MDFIC: variants seen among roughly 807,000 people sequenced by gnomAD.
MDFIC encodes the protein MyoD family inhibitor domain containing.
A neutral mutation model predicts 23.2 loss-of-function variants in MDFIC; 17 were observed. The observed-to-expected ratio is 0.73, with a 90% CI of 0.50 to 1.10. MDFIC has a LOEUF of 1.10. Ranked by LOEUF, MDFIC falls within the 50% of genes least tolerant of loss-of-function variation. MDFIC has a pLI of 0.00. For missense variants in MDFIC, 356 were observed against 316.6 expected (o/e 1.12, Z -0.95); for synonymous variants, 120 against 115.2 (o/e 1.04, Z -0.27).
chr7:114,922,512 C>G lies in MDFIC; in HGVS notation c.-232C>G, dbSNP rs1287699631. On this transcript the variant is annotated 5_prime_UTR_variant, in exon 1 of 5. Transcript: ENST00000393486. ...AGGCGGGAGGACGCGCAGGGGCGGC[C>G]GCCGCCGTCGTCAGGCCACCGGGGC... 1 of 1,256,640 alleles carries G rather than the reference C, an allele frequency of 8.0e-7. No homozygotes were observed. The highest frequency in any genetic ancestry group is 4.2e-5 in the Admixed American group (1 of 23,910). The allele number at this position is 1,256,640 out of a possible 1,614,324, so 77.8% of individuals were successfully genotyped here.
At chr7:114,988,583 C>A (rs1793551566) in intron 4 of MDFIC, among the ~76,000 whole-genome samples, 1 of 152,076 alleles carries the variant, frequency 6.6e-6, no homozygotes, top group African/African-American at 2.4e-5. Flanking sequence ...TTTGGAAGAG[C>A]AGTCAGATAT....
intron 2 of MDFIC, among the ~76,000 whole-genome samples, chr7:114,940,387 C>T (rs985294675): frequency 6.6e-6 from 1 of 152,200 alleles, no homozygotes; most frequent in Non-Finnish European, 1.5e-5. Context: ...AAATTTTTTC[C>T]TTCCACTGGA....
intron 3 of MDFIC, among the ~76,000 whole-genome samples, chr7:114,947,255 C>A (rs758250239): frequency 7.9e-5 from 12 of 152,098 alleles, no homozygotes; most frequent in Non-Finnish European, 1.8e-4. Flanking sequence ...TTTTTGGGGG[C>A]ACATATTGGA....
At chr7:114,953,449 A>G (rs1453921813) in intron 3 of MDFIC, among the ~76,000 whole-genome samples, 1 of 152,208 alleles carries the variant, frequency 6.6e-6, no homozygotes, top group African/African-American at 2.4e-5. Flanking sequence ...ACTTCTGATT[A>G]TTTCAACATT....
intron 2 of MDFIC, among the ~76,000 whole-genome samples, chr7:114,932,202 A>G (rs1182440726): frequency 6.6e-6 from 1 of 152,226 alleles, no homozygotes; most frequent in Non-Finnish European, 1.5e-5. Context: ...TTTTTCACCA[A>G]TATGCAAAAT....
At position 114,947,738 on chromosome 7, in the gene MDFIC, C is replaced by T. The variant is rs547662001; in HGVS notation, c.217+5341C>T. Among the ~76,000 whole-genome samples the T allele has an allele frequency of 6.6e-5, 10 of 152,246 alleles. No individual in the cohort carries two copies. In the South Asian group the frequency reaches 1.9e-3, roughly 28 times the overall value. On this transcript the variant is annotated intron_variant, in intron 3 of 4. Transcript: ENST00000393486. ...CTGCATCATTACTGCTAATGCTGGG[C>T]CAGTTACCTACCTCTCTGAGCTCTA...
chr7:115,014,375 G>A (rs961004836), intron 4 of MDFIC: 1 of 1,285,034 alleles, frequency 7.8e-7, no homozygotes, highest in South Asian at 1.2e-5. Context: ...CAGTTATATG[G>A]CATTCTATAG....
chr7:114,923,136 G>T lies in MDFIC; in HGVS notation c.94+9G>T. On this transcript the variant is annotated intron_variant, in intron 2 of 4. Transcript: ENST00000393486. ...GGGCTCCACAGCCCAGGGTGAGTGC[G>T]CGCTTGCAAGTGGCAAGCTTCTTTG... The T allele has an allele frequency of 1.3e-6, 2 of 1,524,364 alleles. No individual in the cohort carries two copies. The highest frequency in any genetic ancestry group is 1.8e-6 in the Non-Finnish European group (2 of 1,140,288). The allele number at this position is 1,524,364 out of a possible 1,614,324, so 94.4% of individuals were successfully genotyped here. A position where few individuals can be genotyped will look rare whatever the true frequency, so the allele number is the denominator to read the frequency against.
chr7:114,945,299 C>T (rs1270686675), intron 3 of MDFIC, among the ~76,000 whole-genome samples: 3 of 152,180 alleles, frequency 2.0e-5, no homozygotes, highest in East Asian at 3.9e-4. Context: ...GGAGTGGCTG[C>T]TTTGGAAATT....
chr7:114,989,392 A>G (rs913354671), intron 4 of MDFIC, among the ~76,000 whole-genome samples: 1 of 152,114 alleles, frequency 6.6e-6, no homozygotes, highest in African/African-American at 2.4e-5. Flanking sequence ...GAAAGGCCAA[A>G]ATTCAGGGCA....
chr7:114,924,319 G>A (rs982915977), intron 2 of MDFIC, among the ~76,000 whole-genome samples: 2 of 152,060 alleles, frequency 1.3e-5, no homozygotes, highest in Non-Finnish European at 1.5e-5. Context: ...TAGTCATATC[G>A]ACTCATTGAT....
chr7:115,007,644 A>G (rs2709499), intron 4 of MDFIC, among the ~76,000 whole-genome samples: 10 of 10,330 alleles, frequency 9.7e-4, no homozygotes, highest in East Asian at 0.028. Flanking sequence ...ATATATATAT[A>G]TATATATATA....
At chr7:114,979,451 A>G in intron 3 of MDFIC, 55 bp from the exon 4 acceptor site, 1 of 1,503,488 alleles carries the variant, frequency 6.7e-7, no homozygotes, top group Non-Finnish European at 8.9e-7. Flanking sequence ...TCATTATTTT[A>G]AAATATTAAT....
chr7:114,940,663 C>T (rs1219949598), intron 2 of MDFIC, among the ~76,000 whole-genome samples: 1 of 152,098 alleles, frequency 6.6e-6, no homozygotes, highest in Non-Finnish European at 1.5e-5. Context: ...TTCAAATGTC[C>T]AATACTTAAT....
chr7:114,995,919 C>T (rs1300794801), intron 4 of MDFIC, among the ~76,000 whole-genome samples: 1 of 152,182 alleles, frequency 6.6e-6, no homozygotes, highest in Non-Finnish European at 1.5e-5. Context: ...ATGCTGGGAG[C>T]TGAAGACTGC....
intron 2 of MDFIC, among the ~76,000 whole-genome samples, chr7:114,927,124 T>A (rs563320550): frequency 4.9e-4 from 75 of 152,280 alleles, no homozygotes; most frequent in Non-Finnish European, 9.0e-4. Context: ...AATGTTGAGA[T>A]TGAGAAACTG....
chr7:114,931,531 G>T (rs1478107265), intron 2 of MDFIC, among the ~76,000 whole-genome samples: 1 of 152,136 alleles, frequency 6.6e-6, no homozygotes, highest in Non-Finnish European at 1.5e-5. Context: ...AGAATGTATA[G>T]TTTTGCCCAC....
At chr7:114,991,647 A>G (rs1393896118) in intron 4 of MDFIC, among the ~76,000 whole-genome samples, 1 of 152,220 alleles carries the variant, frequency 6.6e-6, no homozygotes, top group Non-Finnish European at 1.5e-5. Context: ...TTTGTCAAAG[A>G]TCACATGGTT....
chr7:115,013,523 A>G (rs986929929), intron 4 of MDFIC, among the ~76,000 whole-genome samples: 3 of 152,188 alleles, frequency 2.0e-5, no homozygotes, highest in African/African-American at 7.2e-5. Context: ...TCCCTCTCTC[A>G]ATCTTGATAT....
Sources: gnomAD v4.1 joint callset for allele counts (sites outside exome capture counted in the v4.1 genomes callset) on GRCh38, gnomAD v4.1.1 for gene constraint, MANE v1.5 for transcripts, NCBI Gene and HGNC (gene_info 2026-07-23, HGNC 2026-07-21) for gene names.